The following CACNA2D3 variants were observed in gnomAD, a reference collection of about 807,000 sequenced individuals.
CACNA2D3 encodes voltage-dependent calcium channel subunit alpha-2/delta-3.
In CACNA2D3, 60 loss-of-function variants were observed where a neutral mutation model predicts 160.6. The observed-to-expected ratio is 0.37, with a 90% CI of 0.30 to 0.46. The LOEUF (loss-of-function observed/expected upper bound fraction) is 0.46, where lower values mean the gene tolerates loss of function less well. Ranked by LOEUF, CACNA2D3 falls within the 20% of genes least tolerant of loss-of-function variation. The pLI is 1.00. For missense variants in CACNA2D3, 1,205 were observed against 1,365.0 expected, an observed-to-expected ratio of 0.88 and a Z score of 1.85; for synonymous variants, 558 against 492.9, an observed-to-expected ratio of 1.13 and a Z score of -1.75.
intron 2 of CACNA2D3, among the ~76,000 whole-genome samples, chr3:54,179,960 TGGCCGG>T (rs955163309): frequency 6.6e-6 from 1 of 152,198 alleles, no homozygotes; most frequent in Admixed American, 6.5e-5. Flanking sequence ...CTGTGGGTTG[TGGCCGG>T]GGCTATCAGT....
At chr3:54,309,427 A>G (rs970356404) in intron 2 of CACNA2D3, among the ~76,000 whole-genome samples, 5 of 152,364 alleles carry the variant, frequency 3.3e-5, no homozygotes, top group African/African-American at 7.2e-5. Flanking sequence ...TATGCAATCT[A>G]TGAAGATTTT....
At chr3:54,515,915 G>C (rs1338133212) in intron 5 of CACNA2D3, among the ~76,000 whole-genome samples, 1 of 152,226 alleles carries the variant, frequency 6.6e-6, no homozygotes, top group African/African-American at 2.4e-5. Context: ...ACTTTCAAGA[G>C]GACTTTGTGA....
At chr3:54,803,335 G>A (rs192538397) in intron 13 of CACNA2D3, among the ~76,000 whole-genome samples, 1,866 of 152,234 alleles carry the variant, frequency 0.012, 12 homozygotes, top group Middle Eastern at 0.027. Context: ...GAATGTATAA[G>A]TAGAATAACC....
At chr3:54,244,621 C>T (rs1302733680) in intron 2 of CACNA2D3, among the ~76,000 whole-genome samples, 2 of 152,192 alleles carry the variant, frequency 1.3e-5, no homozygotes, top group Non-Finnish European at 2.9e-5. Context: ...AGGAAGCATG[C>T]ATTGAACATG....
At chr3:54,646,172 CTCCCTCCCTCCCTCCTTCCTTGCTTCCT>C (rs1344721294) in intron 11 of CACNA2D3, among the ~76,000 whole-genome samples, 1 of 25,230 alleles carries the variant, frequency 4.0e-5, no homozygotes, top group Non-Finnish European at 8.8e-5. Context: ...CCCTCCCTCC[CTCCCTCCCTCCCTCCTTCCTTGCTTCCT>C]TCCTTCCTTC....
At chr3:54,859,709 C>T (rs1022741326) in intron 17 of CACNA2D3, among the ~76,000 whole-genome samples, 2 of 152,078 alleles carry the variant, frequency 1.3e-5, no homozygotes, top group Non-Finnish European at 2.9e-5. Flanking sequence ...AAATGACAAA[C>T]GGACCTACCA....
At chr3:54,240,842 A>G (rs1019924902) in intron 2 of CACNA2D3, among the ~76,000 whole-genome samples, 22 of 152,022 alleles carry the variant, frequency 1.4e-4, no homozygotes, top group African/African-American at 4.8e-4. Context: ...CCCAGGTTCA[A>G]GTGATTCTCC....
Position 54,969,763 on chromosome 3 carries a change from A to G in CACNA2D3, c.2512-37A>G, listed in dbSNP as rs781329013. 6 of 1,602,856 alleles carry G rather than the reference A, an allele frequency of 3.7e-6. No homozygotes were observed. The South Asian group carries it at 4.4e-5, about 12-fold the overall frequency. ...GCAGGCACTGGGATGCCCAAGTAAC[A>G]TAGTAACACATTTCCCTCCACTTTT... On this transcript the variant is annotated intron_variant, in intron 28 of 37. Transcript: ENST00000474759.
intron 27 of CACNA2D3, among the ~76,000 whole-genome samples, chr3:54,915,762 G>A (rs1367077392): frequency 1.3e-5 from 2 of 152,166 alleles, no homozygotes; most frequent in East Asian, 3.8e-4. Flanking sequence ...ACATTTCAGG[G>A]TAAGTAATTA....
intron 2 of CACNA2D3, among the ~76,000 whole-genome samples, chr3:54,278,228 CAT>C (rs1169372555): frequency 6.6e-6 from 1 of 152,112 alleles, no homozygotes; most frequent in Admixed American, 6.5e-5. Flanking sequence ...AGCCAACAAA[CAT>C]ATGAAAAAAA....
At chr3:54,182,577 T>C (rs1700803120) in intron 2 of CACNA2D3, among the ~76,000 whole-genome samples, 2 of 152,356 alleles carry the variant, frequency 1.3e-5, no homozygotes, top group African/African-American at 4.8e-5. Context: ...TCACATCTAA[T>C]GTTTCTTCTG....
intron 6 of CACNA2D3, among the ~76,000 whole-genome samples, chr3:54,568,146 A>G (rs1028703378): frequency 2.6e-5 from 4 of 152,224 alleles, no homozygotes; most frequent in Admixed American, 2.6e-4. Context: ...CACAAGCTAA[A>G]AGAGAACAGG....
intron 25 of CACNA2D3, among the ~76,000 whole-genome samples, chr3:54,892,212 A>G (rs1700085997): frequency 6.6e-6 from 1 of 152,182 alleles, no homozygotes; most frequent in South Asian, 2.1e-4. Context: ...AATGGGTCCC[A>G]AGATTCAGAA....
chr3:54,706,981 T>G (rs2106957001), intron 11 of CACNA2D3, among the ~76,000 whole-genome samples: 1 of 152,338 alleles, frequency 6.6e-6, no homozygotes, highest in South Asian at 2.1e-4. Flanking sequence ...CCATCCAGAT[T>G]GGGATTTCAT....
intron 2 of CACNA2D3, among the ~76,000 whole-genome samples, chr3:54,269,644 C>T (rs879469495): frequency 2.0e-5 from 3 of 152,000 alleles, no homozygotes; most frequent in African/African-American, 4.8e-5. Flanking sequence ...ATCCTGGGCA[C>T]CTAGGCTGGG....
At chr3:54,291,200 T>A (rs1484848077) in intron 2 of CACNA2D3, among the ~76,000 whole-genome samples, 1 of 152,212 alleles carries the variant, frequency 6.6e-6, no homozygotes, top group East Asian at 1.9e-4. Context: ...TATGTCAGTT[T>A]CCTACTTTAC....
chr3:54,746,719 T>C (rs1169592221), intron 11 of CACNA2D3, among the ~76,000 whole-genome samples: 1 of 152,232 alleles, frequency 6.6e-6, no homozygotes, highest in East Asian at 1.9e-4. Flanking sequence ...CCTTCTTTTT[T>C]CTATAAAAAT....
At chr3:54,566,765 A>G (rs1316727890) in intron 6 of CACNA2D3, among the ~76,000 whole-genome samples, 2 of 152,308 alleles carry the variant, frequency 1.3e-5, no homozygotes, top group South Asian at 2.1e-4. Context: ...ACAAAGGTCA[A>G]TGATTGTCTT....
chr3:54,897,732 CT>C (rs1011203946), intron 26 of CACNA2D3, among the ~76,000 whole-genome samples: 4 of 152,212 alleles, frequency 2.6e-5, no homozygotes, highest in African/African-American at 9.7e-5. Context: ...CCCAATCCCC[CT>C]CCCTAAGGCT....
Sources: allele counts gnomAD v4.1 joint callset (sites outside exome capture counted in the v4.1 genomes callset), GRCh38; gene constraint gnomAD v4.1.1; transcripts MANE v1.5; gene names NCBI Gene and HGNC (gene_info 2026-07-23, HGNC 2026-07-21).